TBXAS1: variants seen among roughly 807,000 people sequenced by gnomAD.
The protein encoded by TBXAS1 is thromboxane-A synthase.
In TBXAS1, 48 loss-of-function variants were observed where a neutral mutation model predicts 60.7. The observed-to-expected ratio is 0.79, with a 90% confidence interval of 0.63 to 1.01. The LOEUF (loss-of-function observed/expected upper bound fraction) is 1.01. Ranked by LOEUF, TBXAS1 falls within the 50% of genes least tolerant of loss-of-function variation. The pLI, the probability that TBXAS1 is intolerant of heterozygous loss-of-function variation, is 0.00. For missense variants in TBXAS1, 685 were observed against 686.3 expected, an observed-to-expected ratio of 1.00 and a Z score of 0.02; for synonymous variants, 287 against 269.7, an observed-to-expected ratio of 1.06 and a Z score of -0.63.
chr7:139,962,375 T>C, intron 9 of TBXAS1, 142 bp downstream of exon 9: 1 of 1,010,110 alleles, frequency 9.9e-7, no homozygotes, highest in Non-Finnish European at 1.5e-6. Flanking sequence ...TTGCTTGGCT[T>C]CTCCTGCTCT....
chr7:139,939,891 GA>G (rs1038144094), intron 5 of TBXAS1, among the ~76,000 whole-genome samples: 1 of 152,266 alleles, frequency 6.6e-6, no homozygotes, highest in Admixed American at 6.5e-5. Context: ...AAAGAAACAC[GA>G]GGACGAAAAA....
rs530584971 is a variant in TBXAS1 at position 139,962,121 on chromosome 7, C to T, written c.1022C>T (p.Ala341Val). 7 of 1,614,224 alleles carry T rather than the reference C, an allele frequency of 4.3e-6. No individual in the cohort carries two copies. The highest frequency in any genetic ancestry group is 4.2e-6 in the Non-Finnish European group (5 of 1,180,038). ...GGCCAGGCCTTCATCTTCCTCATCG[C>T]TGGCTATGAAATCATCACCAACACA... ...IVGQAFIFLIAGYEIITNTLS... is the reference protein window; with the variant it reads ...IVGQAFIFLIVGYEIITNTLS... The change falls in exon 9 of 13, where the codon GCT (alanine) becomes GTT (valine). Residue 341 changes from alanine to valine, a missense_variant. Physicochemically the swap from Ala to Val is moderately conservative, Grantham distance 64. Coordinates refer to ENST00000448866, the MANE Select transcript of TBXAS1 (RefSeq NM_001061.7).
intron 1 of TBXAS1, among the ~76,000 whole-genome samples, chr7:139,854,129 G>C (rs1029161979): frequency 3.3e-5 from 5 of 151,994 alleles, no homozygotes; most frequent in African/African-American, 1.2e-4. Context: ...GGTTGTACAA[G>C]AGCAGGGGTG....
At chr7:139,881,612 T>A (rs1014320928) in intron 3 of TBXAS1, among the ~76,000 whole-genome samples, 6 of 152,220 alleles carry the variant, frequency 3.9e-5, no homozygotes, top group African/African-American at 1.4e-4. Context: ...CTGAATATCC[T>A]CGTTTGGATG....
intron 4 of TBXAS1, among the ~76,000 whole-genome samples, chr7:139,929,137 T>C (rs764208518): frequency 6.6e-6 from 1 of 152,220 alleles, no homozygotes; most frequent in Non-Finnish European, 1.5e-5. Context: ...AGCTGTGTCA[T>C]AAATAAAGTT....
Position 139,913,394 on chromosome 7 carries a change from A to G in TBXAS1, c.333+2073A>G, listed in dbSNP as rs79328303. The stretch of plus-strand genomic sequence containing the variant: ...CAAAGTGCACGGACCACCAAGCCAC[A>G]TCCTGGCAAGCAGTAAAGGTACTCC... On this transcript the variant is annotated intron_variant, in intron 4 of 12. Transcript: ENST00000448866. 3,977 of 478,916 alleles carry G rather than the reference A, an allele frequency of 8.3e-3. 114 individuals are homozygous for G. The highest frequency in any genetic ancestry group is 0.069 in the African/African-American group (3,605 of 52,062). 29.7% of individuals were successfully genotyped at this position (478,916 alleles called of 1,614,324 possible). A position where few individuals can be genotyped will look rare whatever the true frequency, so the allele number is the denominator to read the frequency against.
intron 4 of TBXAS1, among the ~76,000 whole-genome samples, chr7:139,806,127 C>T (rs187811997): frequency 1.5e-4 from 23 of 151,358 alleles, no homozygotes; most frequent in Non-Finnish European, 2.2e-4. Context: ...TTAGTAGAGA[C>T]GGGGTTTCAC....
intron 3 of TBXAS1, among the ~76,000 whole-genome samples, chr7:139,876,447 C>T (rs779989010): frequency 1.3e-5 from 2 of 152,114 alleles, no homozygotes; most frequent in Admixed American, 6.5e-5. Flanking sequence ...AGCCACTGAG[C>T]GATTTTTTTG....
intron 9 of TBXAS1, among the ~76,000 whole-genome samples, chr7:140,006,012 C>G (rs1318839539): frequency 1.3e-5 from 2 of 152,178 alleles, no homozygotes; most frequent in African/African-American, 4.8e-5. Context: ...TGAAGGGCTC[C>G]CCCTGCAGAC....
At chr7:139,903,372 A>G (rs184821234) in intron 3 of TBXAS1, among the ~76,000 whole-genome samples, 6 of 152,114 alleles carry the variant, frequency 3.9e-5, no homozygotes, top group African/African-American at 9.7e-5. Flanking sequence ...TGGTTCCATG[A>G]TTTTGCAATC....
chr7:139,808,979 T>TAA (rs11358840), intron 4 of TBXAS1, among the ~76,000 whole-genome samples: 7 of 125,844 alleles, frequency 5.6e-5, no homozygotes, highest in Non-Finnish European at 8.7e-5. Context: ...CAGGTCTTCA[T>TAA]AAAAAAAAAA....
intron 10 of TBXAS1, among the ~76,000 whole-genome samples, chr7:140,011,641 C>T (rs1169880378): frequency 6.6e-6 from 1 of 152,050 alleles, no homozygotes; most frequent in Admixed American, 6.6e-5. Flanking sequence ...GCCAAATTAA[C>T]AAAGAAAGTA....
chr7:139,999,834 C>T lies in TBXAS1; in HGVS notation c.1135-7257C>T, dbSNP rs570288492. On this transcript the variant is annotated intron_variant, in intron 9 of 12. Transcript: ENST00000448866. The surrounding 1 kb of genome is among the most constrained non-coding windows in gnomAD (Gnocchi z 4.3). ...ACTACAGATGCTGCTGTTCCTACTG[C>T]TCTGAAGAAGAAAACTGAAGCCACC... 6.6e-6 allele frequency among the ~76,000 whole-genome samples: 1 copy of T among 152,304 alleles called. No homozygotes were observed. The highest frequency in any genetic ancestry group is 6.5e-5 in the Admixed American group (1 of 15,302).
intron 3 of TBXAS1, among the ~76,000 whole-genome samples, chr7:139,907,703 A>C (rs868763696): frequency 2.6e-5 from 4 of 152,126 alleles, no homozygotes; most frequent in Admixed American, 1.3e-4. Context: ...TGCTTCAACC[A>C]TCAAGTATGA....
At chr7:139,853,027 C>G (rs1325560692) in intron 1 of TBXAS1, among the ~76,000 whole-genome samples, 1 of 151,454 alleles carries the variant, frequency 6.6e-6, no homozygotes, top group East Asian at 1.9e-4. Context: ...TCTGCACAAG[C>G]CAGGTCTTCA....
intron 3 of TBXAS1, among the ~76,000 whole-genome samples, chr7:139,891,049 T>C (rs1452357300): frequency 6.6e-6 from 1 of 152,052 alleles, no homozygotes; most frequent in East Asian, 1.9e-4. Context: ...GAGTTCCCAT[T>C]GAGTCTGCTG....
At chr7:139,825,538 A>G (rs1798414676), upstream of TBXAS1, among the ~76,000 whole-genome samples, 1 of 152,230 alleles carries the variant, frequency 6.6e-6, no homozygotes, top group South Asian at 2.1e-4. Flanking sequence ...CAACTCCCCA[A>G]GAAAGCTGGA....
At chr7:139,807,192 A>G (rs941265676) in intron 4 of TBXAS1, among the ~76,000 whole-genome samples, 2 of 152,108 alleles carry the variant, frequency 1.3e-5, no homozygotes, top group Non-Finnish European at 2.9e-5. Context: ...GGATTTGATC[A>G]CTTTTCACCT....
intron 4 of TBXAS1, among the ~76,000 whole-genome samples, chr7:139,805,688 T>TTC (rs1203616798): frequency 5.8e-5 from 2 of 34,268 alleles, no homozygotes; most frequent in Non-Finnish European, 1.0e-4. Flanking sequence ...CTTTCTTTCT[T>TTC]TCTTTCTTTC....
Sources: allele counts gnomAD v4.1 joint callset (sites outside exome capture counted in the v4.1 genomes callset), GRCh38; gene constraint gnomAD v4.1.1; non-coding constraint Gnocchi (gnomAD v3.1); transcripts MANE v1.5; gene names NCBI Gene and HGNC (gene_info 2026-07-23, HGNC 2026-07-21).